HDGF: variants seen among roughly 807,000 people sequenced by gnomAD.
The protein encoded by HDGF is hepatoma-derived growth factor.
Under a neutral mutation model 30.0 loss-of-function variants are expected in HDGF, and 5 were observed. The ratio of observed to expected loss-of-function variants is 0.17; its 90% CI spans 0.09 to 0.35. The LOEUF (loss-of-function observed/expected upper bound fraction) is 0.35. Ranked by LOEUF, HDGF falls within the 10% of genes least tolerant of loss-of-function variation. HDGF has a pLI of 1.00. For synonymous variants in HDGF, 133 were observed against 112.7 expected (o/e 1.18, Z -1.14); for missense variants, 214 against 302.8 (o/e 0.71, Z 2.18).
rs1397722094 is a variant in HDGF at position 156,742,815 on chromosome 1, A to G, written c.*634T>C. The stretch of plus-strand genomic sequence containing the variant: ...TCTTGATGATTAACTACAACTCCCA[A>G]AACTCTTGGGGTCGGCAAAAGGAAA... On this transcript the variant is annotated 3_prime_UTR_variant, in exon 6 of 6. Transcript: ENST00000357325. 1 of 154,762 alleles carries G rather than the reference A, an allele frequency of 6.5e-6. No individual in the cohort carries two copies. Among genetic ancestry groups the G allele is most frequent in the Non-Finnish European group, 1.5e-5 (1 of 68,200 alleles). 9.6% of individuals were successfully genotyped at this position (154,762 alleles called of 1,614,324 possible).
chr1:156,754,208 C>T (rs1047993435), upstream of HDGF, among the ~76,000 whole-genome samples: 1 of 152,360 alleles, frequency 6.6e-6, no homozygotes, highest in South Asian at 2.1e-4. Context: ...GCAACCGCGC[C>T]CGGCCAACAA....
At chr1:156,747,191 C>T (rs1013564800) in intron 1 of HDGF, among the ~76,000 whole-genome samples, 43 of 147,576 alleles carry the variant, frequency 2.9e-4, no homozygotes, top group Middle Eastern at 3.5e-3. Flanking sequence ...GACAACGCAA[C>T]CCCGCCCCCG....
At chr1:156,758,506 T>C (rs1297293008) in intron 2 of HDGF, among the ~76,000 whole-genome samples, 1 of 149,864 alleles carries the variant, frequency 6.7e-6, no homozygotes, top group Non-Finnish European at 1.5e-5. Context: ...GGCAGGAGAA[T>C]GGCGTGAACC....
At chr1:156,752,233 T>TG (rs776848216), upstream of HDGF, 22 of 1,551,790 alleles carry the variant, frequency 1.4e-5, no homozygotes, top group Middle Eastern at 3.3e-4. Context: ...GCTTACCGTA[T>TG]GGGGGGTGGC....
At chr1:156,761,784 T>C (rs1284314850) in intron 1 of HDGF, among the ~76,000 whole-genome samples, 1 of 150,594 alleles carries the variant, frequency 6.6e-6, no homozygotes, top group African/African-American at 2.4e-5. Context: ...CTGTCTCTAC[T>C]AAAAATACAA....
upstream of HDGF, among the ~76,000 whole-genome samples, chr1:156,755,103 G>C (rs1237613757): frequency 1.3e-5 from 2 of 152,214 alleles, no homozygotes; most frequent in African/African-American, 4.8e-5. Context: ...CAACCCACCA[G>C]CCCAGGTGGA....
exon 2 of HDGF, chr1:156,759,030 G>C (rs1651199873): frequency 6.6e-6 from 1 of 152,262 alleles, no homozygotes; most frequent in African/African-American, 2.4e-5. Flanking sequence ...TGTATTCCTG[G>C]GTTCTTTTTT....
intron 1 of HDGF, among the ~76,000 whole-genome samples, chr1:156,764,763 G>A (rs904573940): frequency 2.0e-5 from 3 of 151,404 alleles, no homozygotes; most frequent in Admixed American, 6.6e-5. Flanking sequence ...GTGCACACCT[G>A]TAATCCCAGC....
At position 156,751,244 on chromosome 1, in the gene HDGF, C is replaced by T. The variant is rs1205927363; in HGVS notation, c.87+99G>A. 1.4e-6 allele frequency: 2 copies of T among 1,405,510 alleles called. No individual in the cohort carries two copies. Among genetic ancestry groups the T allele is most frequent in the Non-Finnish European group, 9.4e-7 (1 of 1,062,038 alleles). The allele number at this position is 1,405,510 out of a possible 1,614,324, so 87.1% of individuals were successfully genotyped here. On this transcript the variant is annotated intron_variant, in intron 1 of 5. Transcript: ENST00000357325. The surrounding 1 kb of genome is among the most constrained non-coding windows in gnomAD (Gnocchi z 4.7). ...GCCGGAGACCTACAAGCCCCCTGCCCCCACCTCTGCCCGCTCCGCGCGGAG... is the reference window on the plus strand; with the variant it reads ...GCCGGAGACCTACAAGCCCCCTGCCTCCACCTCTGCCCGCTCCGCGCGGAG...
intron 1 of HDGF, among the ~76,000 whole-genome samples, chr1:156,748,987 AG>A (rs1355474553): frequency 6.6e-6 from 1 of 151,892 alleles, no homozygotes; most frequent in African/African-American, 2.4e-5. Context: ...GAAAGGGATC[AG>A]GGGGGAAAAT....
chr1:156,760,720 G>A (rs1017449174), intron 1 of HDGF, among the ~76,000 whole-genome samples: 29 of 152,078 alleles, frequency 1.9e-4, no homozygotes, highest in African/African-American at 7.0e-4. Context: ...TTCAGCCCTG[G>A]GGCCTGTCAG....
chr1:156,747,565 G>A (rs1455140038), intron 1 of HDGF: 1 of 151,988 alleles, frequency 6.6e-6, no homozygotes, highest in Non-Finnish European at 1.5e-5. Context: ...GAGATCCCAG[G>A]AGACAGGCAT....
Position 156,745,159 on chromosome 1 carries a change from G to A in HDGF, c.165-13C>T. On this transcript the variant is annotated splice_polypyrimidine_tract_variant and intron_variant, in intron 2 of 5. Coordinates refer to ENST00000357325, the MANE Select transcript of HDGF (RefSeq NM_004494.3). ...GCCCAGGAATGCCCTGGTGAGAGAT[G>A]GGAGACTGTGCTCTCAAGCCCCTCA... 6.2e-7 allele frequency: 1 copy of A among 1,613,836 alleles called. No individual in the cohort carries two copies. The highest frequency in any genetic ancestry group is 1.1e-5 in the South Asian group (1 of 91,066).
At chr1:156,755,250 C>A (rs549094537), upstream of HDGF, among the ~76,000 whole-genome samples, 1 of 152,322 alleles carries the variant, frequency 6.6e-6, no homozygotes, top group Admixed American at 6.5e-5. Context: ...GGGTGCAGAT[C>A]TGGCTCTAGG....
intron 3 of HDGF, chr1:156,744,561 G>T (rs1303994785): frequency 2.6e-6 from 4 of 1,530,472 alleles, no homozygotes; most frequent in African/African-American, 1.4e-5. Flanking sequence ...CTGTGCAGGA[G>T]GGGGGAGGGC....
At chr1:156,744,521 G>A in intron 3 of HDGF, 173 bp from the exon 4 acceptor site, 1 of 1,570,828 alleles carries the variant, frequency 6.4e-7, no homozygotes, top group Non-Finnish European at 8.6e-7. Context: ...TTAGCCCCGG[G>A]GTAAACCCAC....
chr1:156,747,230 G>GC (rs1553249982), intron 1 of HDGF, among the ~76,000 whole-genome samples: 58 of 11,838 alleles, frequency 4.9e-3, no homozygotes, highest in Admixed American at 0.012. Flanking sequence ...GAATGTGACC[G>GC]CCCCTCCCCC....
upstream of HDGF, chr1:156,751,752 C>T: frequency 8.3e-7 from 1 of 1,204,162 alleles, no homozygotes; most frequent in Non-Finnish European, 1.0e-6. This position sits in a 1 kb window ranked among gnomAD's most constrained non-coding sequence, Gnocchi z 4.7. Context: ...CTCCTCCCTC[C>T]TCCCGGACCC....
intron 1 of HDGF, among the ~76,000 whole-genome samples, chr1:156,746,740 C>T (rs1482637638): frequency 2.6e-5 from 4 of 152,180 alleles, no homozygotes; most frequent in Non-Finnish European, 5.9e-5. Context: ...GGGACTACAA[C>T]TCCCAGCAGC....
Sources: allele counts gnomAD v4.1 joint callset (sites outside exome capture counted in the v4.1 genomes callset), GRCh38; gene constraint gnomAD v4.1.1; non-coding constraint Gnocchi (gnomAD v3.1); transcripts MANE v1.5; gene names NCBI Gene and HGNC (gene_info 2026-07-23, HGNC 2026-07-21).